The following GPC6 variants were observed in gnomAD, a reference collection of about 807,000 sequenced individuals.
GPC6 encodes the protein glypican-6.
GPC6 carries 14 observed loss-of-function variants against 55.2 expected under a neutral mutation model. The ratio of observed to expected loss-of-function variants is 0.25; its 90% CI spans 0.17 to 0.40. The LOEUF (loss-of-function observed/expected upper bound fraction) is 0.40, where lower values mean the gene tolerates loss of function less well. Ranked by LOEUF, GPC6 falls within the 10% of genes least tolerant of loss-of-function variation. The probability of loss-of-function intolerance (pLI) is 1.00; values close to 1 mark genes in which losing one functional copy is unlikely to be tolerated. For missense variants in GPC6, 641 were observed against 708.5 expected, an observed-to-expected ratio of 0.90 and a Z score of 1.08; for synonymous variants, 278 against 259.6, an observed-to-expected ratio of 1.07 and a Z score of -0.68.
At chr13:94,373,855 C>G (rs945288032) in intron 6 of GPC6, among the ~76,000 whole-genome samples, 2 of 152,136 alleles carry the variant, frequency 1.3e-5, no homozygotes, top group Non-Finnish European at 2.9e-5. Flanking sequence ...ATCAGACTAA[C>G]AGCGGATCTC....
At position 94,103,684 on chromosome 13, in the gene GPC6, C is replaced by G. The variant is rs1885948262; in HGVS notation, c.877+75790C>G. Among the ~76,000 whole-genome samples, 5 of 152,168 alleles carry G rather than the reference C, an allele frequency of 3.3e-5. No homozygotes were observed. The South Asian group carries it at 1.0e-3, about 32-fold the overall frequency. ...TGTCTGTTGGCTGCATAAATGTCTT[C>G]TTTTGAGAAGTGTCTGTTCATATCC... On this transcript the variant is annotated intron_variant, in intron 4 of 8. Transcript: ENST00000377047.
At chr13:93,751,748 A>G (rs1019668831) in intron 2 of GPC6, among the ~76,000 whole-genome samples, 1 of 151,682 alleles carries the variant, frequency 6.6e-6, no homozygotes, top group African/African-American at 2.4e-5. Flanking sequence ...GTGGTTTCAA[A>G]CTCCTGGGCT....
chr13:94,312,735 C>CACACACACACACACACAT (rs757317085), intron 6 of GPC6, among the ~76,000 whole-genome samples: 66 of 140,658 alleles, frequency 4.7e-4, no homozygotes, highest in African/African-American at 1.7e-3. Context: ...CACACACACA[C>CACACACACACACACACAT]ACACACATGC....
intron 1 of GPC6, among the ~76,000 whole-genome samples, chr13:93,238,380 G>A (rs753990929): frequency 1.3e-5 from 2 of 151,990 alleles, no homozygotes; most frequent in Non-Finnish European, 2.9e-5. Flanking sequence ...TCTAAGCTTG[G>A]TCATTATTGG....
intron 2 of GPC6, among the ~76,000 whole-genome samples, chr13:93,647,303 T>C (rs1282182322): frequency 6.6e-6 from 1 of 152,202 alleles, no homozygotes; most frequent in Non-Finnish European, 1.5e-5. Context: ...AATTTGACGT[T>C]TCTTGAATGA....
chr13:93,786,126 AT>A (rs1436794584), intron 2 of GPC6, among the ~76,000 whole-genome samples: 1 of 152,188 alleles, frequency 6.6e-6, no homozygotes, highest in Non-Finnish European at 1.5e-5. Flanking sequence ...CTCAGATGTT[AT>A]TTTCAAAACC....
At chr13:94,182,819 C>T (rs1889041644) in intron 4 of GPC6, among the ~76,000 whole-genome samples, 2 of 152,144 alleles carry the variant, frequency 1.3e-5, no homozygotes, top group South Asian at 2.1e-4. Flanking sequence ...ACTCTGTCAC[C>T]CAGGCTCCGT....
intron 2 of GPC6, among the ~76,000 whole-genome samples, chr13:93,781,104 C>T (rs1174174622): frequency 1.3e-5 from 2 of 151,762 alleles, no homozygotes; most frequent in Non-Finnish European, 2.9e-5. Flanking sequence ...GGTGAAACCC[C>T]GCCTCTACTA....
chr13:93,543,662 T>C (rs1882420165), intron 1 of GPC6, among the ~76,000 whole-genome samples: 1 of 152,186 alleles, frequency 6.6e-6, no homozygotes. Context: ...TATCATCCTT[T>C]TTAAGGCTGA....
chr13:93,491,930 A>T (rs1346264868), intron 1 of GPC6, among the ~76,000 whole-genome samples: 1 of 108,740 alleles, frequency 9.2e-6, no homozygotes, highest in African/African-American at 3.5e-5. Context: ...GTAGCCTTGT[A>T]GTATAGTTTG....
At chr13:93,820,915 C>T (rs1887023630) in intron 2 of GPC6, among the ~76,000 whole-genome samples, 1 of 152,068 alleles carries the variant, frequency 6.6e-6, no homozygotes, top group South Asian at 2.1e-4. Context: ...GTGGAGTTTT[C>T]AGAGCACATT....
chr13:93,968,761 C>T (rs768699467), intron 3 of GPC6, among the ~76,000 whole-genome samples: 4 of 152,054 alleles, frequency 2.6e-5, no homozygotes, highest in Non-Finnish European at 4.4e-5. Context: ...ATGGAAATTT[C>T]CACAGATCTC....
At chr13:94,271,237 C>T (rs1022164708) in intron 4 of GPC6, among the ~76,000 whole-genome samples, 28 of 151,760 alleles carry the variant, frequency 1.8e-4, no homozygotes, top group African/African-American at 2.7e-4. Flanking sequence ...GTGATCCACC[C>T]GTCTCGACCT....
chr13:93,561,499 TA>T (rs1386271474), intron 2 of GPC6, among the ~76,000 whole-genome samples: 1 of 150,622 alleles, frequency 6.6e-6, no homozygotes, highest in African/African-American at 2.5e-5. Context: ...AACATGATCC[TA>T]AATTACACTT....
chr13:93,312,264 G>A (rs1416392250), intron 1 of GPC6, among the ~76,000 whole-genome samples: 4 of 151,848 alleles, frequency 2.6e-5, no homozygotes, highest in South Asian at 2.1e-4. Flanking sequence ...CTCATTATTC[G>A]TTTATATCAA....
intron 4 of GPC6, among the ~76,000 whole-genome samples, chr13:94,168,317 T>C (rs1196513776): frequency 6.6e-6 from 1 of 152,224 alleles, no homozygotes; most frequent in African/African-American, 2.4e-5. Flanking sequence ...TGGCTGTCTT[T>C]AGGTCAGCGT....
At chr13:93,843,574 T>TA (rs1245995276) in intron 3 of GPC6, among the ~76,000 whole-genome samples, 1 of 152,154 alleles carries the variant, frequency 6.6e-6, no homozygotes, top group African/African-American at 2.4e-5. Context: ...CCCAGTTGTA[T>TA]AAAAAAACAT....
chr13:94,099,792 G>A (rs1885791644), intron 4 of GPC6, among the ~76,000 whole-genome samples: 1 of 152,138 alleles, frequency 6.6e-6, no homozygotes, highest in Non-Finnish European at 1.5e-5. Context: ...AGGTGGCTTA[G>A]AACATATTTG....
At chr13:93,975,491 T>A (rs1478976391) in intron 3 of GPC6, among the ~76,000 whole-genome samples, 2 of 152,128 alleles carry the variant, frequency 1.3e-5, no homozygotes, top group Non-Finnish European at 2.9e-5. Flanking sequence ...ACAAAACAGA[T>A]GCTGTTATGC....
Sources: gnomAD v4.1 joint callset for allele counts (sites outside exome capture counted in the v4.1 genomes callset) on GRCh38, gnomAD v4.1.1 for gene constraint, MANE v1.5 for transcripts, NCBI Gene and HGNC (gene_info 2026-07-23, HGNC 2026-07-21) for gene names.